The following RIMS2 variants were observed in gnomAD, a reference collection of about 807,000 sequenced individuals.
The protein encoded by RIMS2 is regulating synaptic membrane exocytosis 2.
RIMS2 carries 59 observed loss-of-function variants against 174.4 expected under a neutral mutation model. The ratio of observed to expected loss-of-function variants is 0.34; its 90% confidence interval spans 0.27 to 0.42. The LOEUF is 0.42. RIMS2 is among the 10% of genes least tolerant of loss of function. The probability of loss-of-function intolerance (pLI) is 1.00; values close to 1 mark genes in which losing one functional copy is unlikely to be tolerated. For missense variants in RIMS2, 1,620 were observed against 1,666.3 expected (o/e 0.97, Z 0.48); for synonymous variants, 606 against 572.5 (o/e 1.06, Z -0.84).
Position 103,887,280 on chromosome 8 carries a change from A to G in RIMS2, c.1624+1057A>G, listed in dbSNP as rs191912436. 1.4e-3 allele frequency among the ~76,000 whole-genome samples: 214 copies of G among 151,670 alleles called. 1 individual carries two copies. The highest frequency in any genetic ancestry group is 4.7e-3 in the African/African-American group (193 of 41,472). ...GTATTAGTTTTTCTATTATTGATTT[A>G]TAAGCACTTTTTATATAGTTAGGAT... On this transcript the variant is annotated intron_variant, in intron 4 of 23. Transcript: ENST00000504942.
intron 19 of RIMS2, among the ~76,000 whole-genome samples, chr8:104,029,804 C>A (rs1394399373): frequency 6.6e-6 from 1 of 152,070 alleles, no homozygotes; most frequent in Non-Finnish European, 1.5e-5. Flanking sequence ...AAAATGATAA[C>A]CATGTAGCAT....
chr8:103,573,538 C>T (rs1258902656), intron 1 of RIMS2, among the ~76,000 whole-genome samples: 1 of 152,024 alleles, frequency 6.6e-6, no homozygotes. Flanking sequence ...AGGTGTGCAG[C>T]TTTGTTTTTG....
intron 19 of RIMS2, among the ~76,000 whole-genome samples, chr8:104,090,975 T>C (rs1409179036): frequency 2.0e-5 from 3 of 151,830 alleles, no homozygotes; most frequent in Non-Finnish European, 4.4e-5. Flanking sequence ...TCATCATCAT[T>C]ATCTTTGTCA....
At chr8:104,013,513 G>T in exon 18 of RIMS2, 1 of 1,613,746 alleles carries the variant, frequency 6.2e-7, no homozygotes, top group South Asian at 1.1e-5. Context: ...CTCCTTGAGC[G>T]GACCACCACC....
chr8:103,612,729 C>T (rs1470936203), intron 1 of RIMS2, among the ~76,000 whole-genome samples: 1 of 152,130 alleles, frequency 6.6e-6, no homozygotes, highest in African/African-American at 2.4e-5. Flanking sequence ...CAGGTGCGTG[C>T]CACCATGCCT....
At chr8:104,222,669 A>G (rs2099160885) in intron 19 of RIMS2, among the ~76,000 whole-genome samples, 1 of 152,254 alleles carries the variant, frequency 6.6e-6, no homozygotes, top group East Asian at 1.9e-4. Flanking sequence ...AATGTTGCTT[A>G]TAAACTACTT....
At chr8:104,125,905 C>A (rs73299422) in intron 19 of RIMS2, among the ~76,000 whole-genome samples, 4,312 of 152,192 alleles carry the variant, frequency 0.028, 234 homozygotes, top group African/African-American at 0.098. Flanking sequence ...AAATGAATAG[C>A]TGTTGATTCC....
rs57242775 is a variant in RIMS2 at position 103,676,569 on chromosome 8, C to A, written c.177-20517C>A. Among the ~76,000 whole-genome samples the A allele has an allele frequency of 3.4e-3, 446 of 131,898 alleles. 2 individuals carry two copies. Among genetic ancestry groups the A allele is most frequent in the Middle Eastern group, 0.011 (3 of 270 alleles). 86.5% of individuals were successfully genotyped at this position (131,898 alleles called of 152,430 possible). On this transcript the variant is annotated intron_variant, in intron 1 of 23. Coordinates refer to ENST00000504942, the Ensembl canonical transcript of RIMS2. Reference sequence around the variant, plus strand: ...GTTAGTTGCTTAAGCTTTTTATTTGCCTTTTAAAGTCTTTTTTTTTTTTAA... The same window carrying A: ...GTTAGTTGCTTAAGCTTTTTATTTGACTTTTAAAGTCTTTTTTTTTTTTAA...
At chr8:103,615,043 A>G (rs970404678) in intron 1 of RIMS2, among the ~76,000 whole-genome samples, 1 of 152,184 alleles carries the variant, frequency 6.6e-6, no homozygotes, top group Non-Finnish European at 1.5e-5. Flanking sequence ...TGTTTATATT[A>G]TATTATTTGC....
chr8:103,918,728 G>A (rs1373503328), intron 9 of RIMS2: 3 of 442,810 alleles, frequency 6.8e-6, no homozygotes, highest in Non-Finnish European at 4.1e-6. Context: ...GCATTATTAA[G>A]GTATACTACA....
intron 1 of RIMS2, among the ~76,000 whole-genome samples, chr8:103,551,460 A>C (rs1028715542): frequency 3.3e-5 from 5 of 152,194 alleles, no homozygotes; most frequent in Admixed American, 2.6e-4. Flanking sequence ...CAAAATAATA[A>C]GAGCTATTTT....
intron 2 of RIMS2, among the ~76,000 whole-genome samples, chr8:103,750,271 G>A (rs1458301286): frequency 1.3e-5 from 2 of 152,024 alleles, no homozygotes; most frequent in Non-Finnish European, 2.9e-5. Flanking sequence ...ATTACAAAAT[G>A]TGGTGATATT....
rs368644224 is a variant in RIMS2, at chr8:103,501,027, G to A, written c.141G>A (p.Gln47=). 6.2e-5 allele frequency: 100 copies of A among 1,610,076 alleles called. No individual in the cohort carries two copies. The African/African-American group carries it at 1.2e-3, about 20-fold the overall frequency. Residue 47 remains glutamine, a synonymous_variant, in exon 1 of 24, where the codon CAG becomes CAA. Coordinates refer to ENST00000504942, the Ensembl canonical transcript of RIMS2. ...TCATCCTGGCCGTCATGGATAGGCAGAAGAAAGAAGAGGAGAAGGAGCAGT... is the reference window on the plus strand; with the variant it reads ...TCATCCTGGCCGTCATGGATAGGCAAAAGAAAGAAGAGGAGAAGGAGCAGT...
chr8:104,116,446 A>G (rs2098279293), intron 19 of RIMS2, among the ~76,000 whole-genome samples: 1 of 152,220 alleles, frequency 6.6e-6, no homozygotes, highest in African/African-American at 2.4e-5. Context: ...TTTTTATAAT[A>G]TGACCACCTA....
chr8:103,568,951 T>C, intron 1 of RIMS2: 1 of 735,496 alleles, frequency 1.4e-6, no homozygotes, highest in Non-Finnish European at 2.4e-6. Context: ...AGCGAGTTCA[T>C]GGTGTCTTAC....
chr8:104,074,256 G>C (rs2097250255), intron 19 of RIMS2, among the ~76,000 whole-genome samples: 3 of 152,126 alleles, frequency 2.0e-5, no homozygotes, highest in Admixed American at 1.3e-4. Flanking sequence ...GTATTAGAAA[G>C]GGCACAGCCT....
chr8:103,899,903 G>A (rs2099317995), intron 4 of RIMS2, among the ~76,000 whole-genome samples: 2 of 151,724 alleles, frequency 1.3e-5, no homozygotes, highest in African/African-American at 4.9e-5. Context: ...TGTATAAGGT[G>A]TAAGGAAGGG....
intron 19 of RIMS2, among the ~76,000 whole-genome samples, chr8:104,067,467 C>T (rs952212958): frequency 1.3e-5 from 2 of 152,082 alleles, no homozygotes; most frequent in East Asian, 3.9e-4. Context: ...ATGATCATAG[C>T]TCACTGCAGC....
At chr8:103,908,074 G>C (rs888835922) in intron 4 of RIMS2, among the ~76,000 whole-genome samples, 2 of 145,766 alleles carry the variant, frequency 1.4e-5, no homozygotes, top group Non-Finnish European at 3.0e-5. Flanking sequence ...AGACAGTCTC[G>C]CTCTGTCTCC....
Sources: allele counts gnomAD v4.1 joint callset (sites outside exome capture counted in the v4.1 genomes callset), GRCh38; gene constraint gnomAD v4.1.1; transcripts MANE v1.5; gene names NCBI Gene and HGNC (gene_info 2026-07-23, HGNC 2026-07-21).